The following ADAMTSL3 variants were observed in gnomAD, a reference collection of about 807,000 sequenced individuals.
ADAMTSL3 encodes the protein ADAMTS like 3.
A neutral mutation model predicts 201.7 loss-of-function variants in ADAMTSL3; 128 were observed. The observed-to-expected ratio is 0.63, with a 90% CI of 0.55 to 0.73. The LOEUF is 0.73. ADAMTSL3 is among the 30% of genes least tolerant of loss of function. The pLI, the probability that ADAMTSL3 is intolerant of heterozygous loss-of-function variation, is 0.00. For synonymous variants in ADAMTSL3, 738 were observed against 748.4 expected (o/e 0.99, Z 0.23); for missense variants, 1,990 against 2,119.6 (o/e 0.94, Z 1.20).
At chr15:84,013,677 G>A (rs568433231) in intron 23 of ADAMTSL3, among the ~76,000 whole-genome samples, 13 of 152,172 alleles carry the variant, frequency 8.5e-5, no homozygotes, top group Non-Finnish European at 1.8e-4. Flanking sequence ...GGAGGCTGAG[G>A]AAGGGAGGGT....
At chr15:83,837,654 C>A (rs1330253400) in intron 6 of ADAMTSL3, among the ~76,000 whole-genome samples, 3 of 151,478 alleles carry the variant, frequency 2.0e-5, no homozygotes, top group African/African-American at 7.3e-5. Flanking sequence ...GGGCACAGGC[C>A]TGTGACTCAA....
At chr15:83,837,444 G>A (rs1388405484) in intron 6 of ADAMTSL3, among the ~76,000 whole-genome samples, 2 of 151,962 alleles carry the variant, frequency 1.3e-5, no homozygotes, top group Non-Finnish European at 2.9e-5. Context: ...GTAGGGCTGG[G>A]GAGAGAGGAA....
At chr15:83,793,115 A>G (rs946617662) in intron 4 of ADAMTSL3, among the ~76,000 whole-genome samples, 1 of 152,232 alleles carries the variant, frequency 6.6e-6, no homozygotes, top group Non-Finnish European at 1.5e-5. Flanking sequence ...TCTCACTCAT[A>G]TGTAGACGCT....
intron 5 of ADAMTSL3, among the ~76,000 whole-genome samples, chr15:83,819,508 A>T (rs909475781): frequency 6.6e-6 from 1 of 152,184 alleles, no homozygotes; most frequent in African/African-American, 2.4e-5. Context: ...TGGTTAAAAT[A>T]GGGCAAAGTT....
At chr15:83,904,944 A>G (rs1431855389) in intron 15 of ADAMTSL3, among the ~76,000 whole-genome samples, 1 of 152,252 alleles carries the variant, frequency 6.6e-6, no homozygotes, top group African/African-American at 2.4e-5. Flanking sequence ...CAACAATGAT[A>G]ACAACAACTA....
At chr15:83,843,421 T>C (rs560969016) in intron 7 of ADAMTSL3, among the ~76,000 whole-genome samples, 1 of 152,294 alleles carries the variant, frequency 6.6e-6, no homozygotes, top group South Asian at 2.1e-4. Flanking sequence ...GATTCCTGCC[T>C]GCGTGAAAAC....
intron 12 of ADAMTSL3, among the ~76,000 whole-genome samples, chr15:83,892,221 A>C (rs2065515141): frequency 6.7e-6 from 1 of 148,772 alleles, no homozygotes; most frequent in Middle Eastern, 3.6e-3. Flanking sequence ...ATCTTAAAAA[A>C]AAAACTAAAT....
intron 3 of ADAMTSL3, among the ~76,000 whole-genome samples, chr15:83,765,283 G>A (rs546426294): frequency 6.6e-6 from 1 of 152,286 alleles, no homozygotes; most frequent in African/African-American, 2.4e-5. Flanking sequence ...GTATTAACCT[G>A]AAAGAATGTA....
At chr15:84,010,479 C>T (rs2067988518) in intron 23 of ADAMTSL3, among the ~76,000 whole-genome samples, 1 of 152,150 alleles carries the variant, frequency 6.6e-6, no homozygotes, top group South Asian at 2.1e-4. Flanking sequence ...AATGCATTCC[C>T]TAGTTTATTC....
chr15:83,856,520 G>T (rs1453188634), intron 7 of ADAMTSL3, among the ~76,000 whole-genome samples: 1 of 151,852 alleles, frequency 6.6e-6, no homozygotes, highest in African/African-American at 2.4e-5. Context: ...TCCATTGTAG[G>T]TATATACCAA....
chr15:83,690,555 C>G (rs1014942154), intron 2 of ADAMTSL3, among the ~76,000 whole-genome samples: 16 of 152,194 alleles, frequency 1.1e-4, no homozygotes, highest in Admixed American at 1.0e-3. Context: ...TGGTCATTGC[C>G]TCTGTAATGC....
In ADAMTSL3 at chr15:83,776,642, G is replaced by A. The variant is rs545219102; in HGVS notation, c.317+2992G>A. ...TAAGGCAGGAGAATTGCTTGAACTC[G>A]GGAGGTGGAGGTTTCAGTGAGCTGA... is the stretch of plus-strand genomic sequence containing the variant. On this transcript the variant is annotated intron_variant, in intron 4 of 29. Transcript: ENST00000286744. 7.4e-4 allele frequency among the ~76,000 whole-genome samples: 112 copies of A among 152,250 alleles called. 6 individuals carry two copies. The South Asian group carries it at 0.02, about 27-fold the overall frequency.
intron 15 of ADAMTSL3, among the ~76,000 whole-genome samples, chr15:83,901,517 A>G (rs149953455): frequency 0.028 from 4,277 of 152,332 alleles, 85 homozygotes; most frequent in Non-Finnish European, 0.042. Flanking sequence ...AGAATAAAAC[A>G]TTGTGGATAT....
chr15:84,018,944 T>C (rs1272611934), intron 25 of ADAMTSL3, among the ~76,000 whole-genome samples: 1 of 152,068 alleles, frequency 6.6e-6, no homozygotes, highest in Non-Finnish European at 1.5e-5. Context: ...AAGACACCAA[T>C]AAGAATAATG....
chr15:83,827,453 C>T (rs1475262246), intron 6 of ADAMTSL3, among the ~76,000 whole-genome samples: 6 of 152,104 alleles, frequency 3.9e-5, no homozygotes, highest in South Asian at 2.1e-4. Context: ...TTCTCCCATT[C>T]TATAGGTTGC....
intron 4 of ADAMTSL3, among the ~76,000 whole-genome samples, chr15:83,784,160 A>G (rs1405046915): frequency 1.3e-5 from 2 of 151,956 alleles, no homozygotes; most frequent in African/African-American, 2.4e-5. Flanking sequence ...ATTTTATTTC[A>G]TCTCTCCAGA....
chr15:83,782,010 G>A (rs769523285), intron 4 of ADAMTSL3, among the ~76,000 whole-genome samples: 3 of 152,168 alleles, frequency 2.0e-5, no homozygotes, highest in African/African-American at 7.2e-5. Flanking sequence ...AGACAGTGTA[G>A]TGACTGCTCA....
intron 22 of ADAMTSL3, among the ~76,000 whole-genome samples, chr15:83,990,247 C>G (rs1472085348): frequency 6.6e-6 from 1 of 152,126 alleles, no homozygotes; most frequent in African/African-American, 2.4e-5. Flanking sequence ...GGCCTCCTAC[C>G]TGTCTCATCT....
intron 9 of ADAMTSL3, among the ~76,000 whole-genome samples, chr15:83,876,628 T>C (rs1428182023): frequency 6.6e-6 from 1 of 152,058 alleles, no homozygotes; most frequent in Non-Finnish European, 1.5e-5. Context: ...TTGTGGGTTT[T>C]TGTTTTGTTT....
Sources: gnomAD v4.1 joint callset for allele counts (sites outside exome capture counted in the v4.1 genomes callset) on GRCh38, gnomAD v4.1.1 for gene constraint, MANE v1.5 for transcripts, NCBI Gene and HGNC (gene_info 2026-07-23, HGNC 2026-07-21) for gene names.